Variants in SCN11A observed in about 807,000 individuals in gnomAD.
SCN11A encodes the protein sodium channel protein type 11 subunit alpha.
Under a neutral mutation model 162.2 loss-of-function variants are expected in SCN11A, and 122 were observed. The observed-to-expected ratio is 0.75, with a 90% CI of 0.65 to 0.87. The LOEUF is 0.87. Among genes scored for constraint, SCN11A ranks in the 40% least tolerant of loss-of-function variants. The probability of loss-of-function intolerance (pLI) is 0.00; values close to 1 mark genes in which losing one functional copy is unlikely to be tolerated. For synonymous variants in SCN11A, 758 were observed against 751.5 expected (o/e 1.01, Z -0.14); for missense variants, 2,015 against 2,181.6 (o/e 0.92, Z 1.52).
chr3:39,038,815 A>G (rs531517786), intron 1 of SCN11A, among the ~76,000 whole-genome samples: 1 of 130,932 alleles, frequency 7.6e-6, no homozygotes, highest in African/African-American at 3.4e-5. Context: ...GCTAAAGAAA[A>G]GTGAAAACAC....
chr3:38,958,825 C>T (rs1575336192), intron 3 of SCN11A, among the ~76,000 whole-genome samples: 1 of 152,312 alleles, frequency 6.6e-6, no homozygotes, highest in East Asian at 1.9e-4. Context: ...AACTAACATA[C>T]ATTATCTCAT....
chr3:38,935,516 T>C (rs2066316464), intron 7 of SCN11A, among the ~76,000 whole-genome samples: 1 of 151,804 alleles, frequency 6.6e-6, no homozygotes, highest in African/African-American at 2.4e-5. Flanking sequence ...AATAATCAAA[T>C]AGAAGCAATA....
At position 38,925,503 on chromosome 3, in the gene SCN11A, C is replaced by A; in HGVS notation, c.624G>T (p.Val208=). 1 of 1,609,000 alleles carries A rather than the reference C, an allele frequency of 6.2e-7. No individual in the cohort carries two copies. The stretch of plus-strand genomic sequence containing the variant: ...TGATGGTGATTCCTGGAATATATGA[C>A]ACAATCCTACAAGACAAAGCACAGG... ...LDSIVIGIAI[V]SYIPGITIKL... is the part of the protein sequence containing the mutation. The change falls in exon 9 of 30, where the codon GTG becomes GTT. Residue 208 remains valine, a synonymous_variant. Coordinates refer to ENST00000302328, the MANE Select transcript of SCN11A (RefSeq NM_001349253.2).
At chr3:38,968,725 G>A (rs1284224127) in intron 2 of SCN11A, among the ~76,000 whole-genome samples, 1 of 152,022 alleles carries the variant, frequency 6.6e-6, no homozygotes, top group Non-Finnish European at 1.5e-5. Flanking sequence ...TCAAAGACCT[G>A]GCCTGAAGCC....
intron 28 of SCN11A, among the ~76,000 whole-genome samples, chr3:38,856,296 G>A (rs117108789): frequency 6.6e-6 from 1 of 152,170 alleles, no homozygotes; most frequent in Non-Finnish European, 1.5e-5. Flanking sequence ...TAGACAGCCT[G>A]TCTGGAACAA....
intron 2 of SCN11A, among the ~76,000 whole-genome samples, chr3:38,978,222 T>G (rs1013482333): frequency 5.3e-5 from 8 of 152,232 alleles, no homozygotes; most frequent in African/African-American, 1.9e-4. Flanking sequence ...GCTCCAGGTT[T>G]GCCATTTTTG....
At chr3:38,954,886 G>A (rs1421480875) in intron 3 of SCN11A, among the ~76,000 whole-genome samples, 6 of 152,170 alleles carry the variant, frequency 3.9e-5, no homozygotes, top group Admixed American at 3.9e-4. Context: ...CCACTCGGGA[G>A]GCTGAGCAGG....
At chr3:38,925,011 ACT>A (rs991790302) in intron 9 of SCN11A, among the ~76,000 whole-genome samples, 2 of 151,612 alleles carry the variant, frequency 1.3e-5, no homozygotes, top group Non-Finnish European at 2.9e-5. Flanking sequence ...TATCGTGATC[ACT>A]CTGTTTAAAA....
chr3:38,964,134 C>T (rs577147401), intron 2 of SCN11A, among the ~76,000 whole-genome samples: 220 of 152,310 alleles, frequency 1.4e-3, no homozygotes, highest in African/African-American at 5.1e-3. Context: ...GCTGGGTCCA[C>T]ATTGTAAGAG....
chr3:38,896,958 T>TG lies in SCN11A; in HGVS notation c.2289dup (p.Ile764HisfsTer52). ...TTTTCGATCCATTCCCCGCAGAGGATGCGGAATACCACTAGGAAGGAGTGC... is the reference window on the plus strand; with the variant it reads ...TTTTCGATCCATTCCCCGCAGAGGATGGCGGAATACCACTAGGAAGGAGTGC... On this transcript the variant is annotated frameshift_variant, in exon 18 of 30. Coordinates refer to ENST00000302328, the MANE Select transcript of SCN11A (RefSeq NM_001349253.2). LOFTEE classifies it high-confidence loss of function. 1 of 1,614,182 alleles carries TG rather than the reference T, an allele frequency of 6.2e-7. No individual in the cohort carries two copies. The highest frequency in any genetic ancestry group is 8.5e-7 in the Non-Finnish European group (1 of 1,180,022).
Position 38,909,047 on chromosome 3 carries a change from T to C in SCN11A, c.1249A>G (p.Lys417Glu), listed in dbSNP as rs751104165. ...NKNVAAEIEA[K>E]EKMFQEAQQL... ...TGGGCTTCCTGAAACATCTTTTCCT[T>C]GGCCTCTATCTCTGCAGCTACATTC... The change falls in exon 13 of 30, where the codon AAG (lysine) becomes GAG (glutamate). Residue 417 changes from lysine (K) to glutamate (E), a missense_variant. Coordinates refer to ENST00000302328, the MANE Select transcript of SCN11A (RefSeq NM_001349253.2). 1.2e-5 allele frequency: 20 copies of C among 1,614,034 alleles called. No individual in the cohort carries two copies. The highest frequency in any genetic ancestry group is 1.7e-5 in the Admixed American group (1 of 60,006).
intron 19 of SCN11A, among the ~76,000 whole-genome samples, chr3:38,887,710 C>T (rs892337450): frequency 6.6e-6 from 1 of 152,152 alleles, no homozygotes; most frequent in Non-Finnish European, 1.5e-5. Flanking sequence ...GAGAATATTG[C>T]TCTTTCTTAT....
At chr3:38,886,971 A>G (rs1476977401) in intron 19 of SCN11A, among the ~76,000 whole-genome samples, 2 of 152,102 alleles carry the variant, frequency 1.3e-5, no homozygotes, top group African/African-American at 4.8e-5. Context: ...TACAACTTTG[A>G]GACAACCTGC....
At chr3:39,035,216 C>T (rs1173708986) in intron 1 of SCN11A, among the ~76,000 whole-genome samples, 1 of 152,112 alleles carries the variant, frequency 6.6e-6, no homozygotes, top group Admixed American at 6.6e-5. Context: ...GCCATAGTAA[C>T]AAAAACAGTA....
chr3:38,858,490 C>T (rs1164740195), intron 28 of SCN11A, among the ~76,000 whole-genome samples: 1 of 152,058 alleles, frequency 6.6e-6, no homozygotes, highest in Non-Finnish European at 1.5e-5. Context: ...TATATGTGTA[C>T]CTAACACTGG....
At chr3:38,849,450 C>G (rs776049824) in intron 29 of SCN11A, 13 of 152,094 alleles carry the variant, frequency 8.5e-5, no homozygotes, top group Non-Finnish European at 1.9e-4. Context: ...TGTTGTTGTT[C>G]TCTGAAACAT....
chr3:38,896,266 T>G (rs2065596238), intron 18 of SCN11A, among the ~76,000 whole-genome samples: 1 of 152,144 alleles, frequency 6.6e-6, no homozygotes, highest in Non-Finnish European at 1.5e-5. Flanking sequence ...TCATTGAAGT[T>G]AGGGGAACAG....
intron 2 of SCN11A, among the ~76,000 whole-genome samples, chr3:38,999,679 A>G (rs2030749621): frequency 6.6e-6 from 1 of 152,196 alleles, no homozygotes; most frequent in African/African-American, 2.4e-5. Context: ...TGTCAGCATA[A>G]TAATCACAGT....
rs1401766225 is a variant in SCN11A at position 38,846,722 on chromosome 3, A to G, written c.5348T>C (p.Val1783Ala). Residue 1783 changes from valine to alanine, a missense_variant, in exon 30 of 30, where the codon GTG becomes GCG. Val to Ala is a moderately conservative substitution (Grantham distance 64). Coordinates refer to ENST00000302328, the MANE Select transcript of SCN11A (RefSeq NM_001349253.2). ...GTCACAGTGGACCTTGCCCTTGGCC[A>G]CCCCAAAGCTAGACAAGTCTCCATT... is the stretch of plus-strand genomic sequence containing the variant. The part of the protein sequence containing the change: ...LCNGDLSSFG[V>A]AKGKVHCD The G allele has an allele frequency of 1.9e-6, 3 of 1,613,938 alleles. No individual in the cohort carries two copies. The highest frequency in any genetic ancestry group is 2.5e-6 in the Non-Finnish European group (3 of 1,179,996).
Sources: allele counts gnomAD v4.1 joint callset (sites outside exome capture counted in the v4.1 genomes callset), GRCh38; gene constraint gnomAD v4.1.1; transcripts MANE v1.5; gene names NCBI Gene and HGNC (gene_info 2026-07-23, HGNC 2026-07-21).